TTN: variants seen among roughly 807,000 people sequenced by gnomAD.
The protein encoded by TTN is connectin.
Under a neutral mutation model 3,223.0 loss-of-function variants are expected in TTN, and 1,525 were observed. The observed-to-expected ratio is 0.47, with a 90% CI of 0.45 to 0.49. The LOEUF (loss-of-function observed/expected upper bound fraction) is 0.49, where lower values mean the gene tolerates loss of function less well. TTN is among the 20% of genes least tolerant of loss of function. The pLI is 0.00. For missense variants in TTN, 40,786 were observed against 43,424.0 expected (o/e 0.94, Z 5.40); for synonymous variants, 14,094 against 15,161.0 (o/e 0.93, Z 5.17).
At chr2:178,746,831 G>A in intron 47 of TTN, 1 of 1,613,300 alleles carries the variant, frequency 6.2e-7, no homozygotes, top group South Asian at 1.1e-5. Flanking sequence ...CTTCCTTTTG[G>A]TCAGAGGTTC....
At chr2:178,669,313 C>A in intron 159 of TTN, 60 bp downstream of exon 159, 1 of 1,351,324 alleles carries the variant, frequency 7.4e-7, no homozygotes, top group Non-Finnish European at 1.0e-6. Context: ...AAAAGACAAA[C>A]ATAGTGAATT....
At position 178,599,696 on chromosome 2, in the gene TTN, G is replaced by A. The variant is rs1286973920; in HGVS notation, c.56205C>T (p.Asp18735=). 6 of 1,613,058 alleles carry A rather than the reference G, an allele frequency of 3.7e-6. No individual in the cohort carries two copies. Among genetic ancestry groups the A allele is most frequent in the Admixed American group, 1.7e-5 (1 of 59,954 alleles). ...KPDNKEPVLY[D]THVNKLVVDD... is the part of the protein sequence containing the mutation. ...CTACCACCAGTTTGTTGACATGGGT[G>A]TCATAGAGAACAGGTTCTTTGTTAT... Residue 18735 remains aspartate (D), a synonymous_variant, in exon 289 of 363, where the codon GAC becomes GAT. Transcript: ENST00000589042.
rs745946685 is a variant in TTN at position 178,784,170 on chromosome 2, C to T, written c.2675G>A (p.Ser892Asn). ...PFADTPDTYKSEAGVEVKKEV... is the reference protein window; with the variant it reads ...PFADTPDTYKNEAGVEVKKEV... ...CTTTTTCACCTCAACGCCAGCTTCA[C>T]TCTTGTAAGTATCTGGTGTGTCAGC... Residue 892 changes from serine (S) to asparagine (N), a missense_variant, in exon 16 of 363, where the codon AGT becomes AAT. Physicochemically the swap from Ser to Asn is conservative, Grantham distance 46 (BLOSUM62 1). Transcript: ENST00000589042. The T allele has an allele frequency of 1.9e-6, 3 of 1,614,204 alleles. No homozygotes were observed. The highest frequency in any genetic ancestry group is 2.5e-6 in the Non-Finnish European group (3 of 1,180,022).
chr2:178,635,547 T>C lies in TTN; in HGVS notation c.41777A>G (p.Asp13926Gly). 1 of 1,595,654 alleles carries C rather than the reference T, an allele frequency of 6.3e-7. No individual in the cohort carries two copies. The change falls in exon 227 of 363, where the codon GAT becomes GGT. Residue 13926 changes from aspartate to glycine, a missense_variant. By Grantham distance (94) the Asp-to-Gly change is moderately conservative. Transcript: ENST00000589042. ...EPNDKTEILR[D>G]GNHLYLKIKN... ...AATTTTGAGGTACAGATGATTTCCA[T>C]CTCTCAGTATTTCAGTCTTATCATT...
intron 1 of TTN, among the ~76,000 whole-genome samples, chr2:178,805,039 A>G (rs923588714): frequency 6.6e-6 from 1 of 152,198 alleles, no homozygotes; most frequent in Non-Finnish European, 1.5e-5. Flanking sequence ...AAGACATGTG[A>G]TAAATGTAAA....
rs1405100475 is a variant in TTN, at chr2:178,562,320, C to T, written c.83812G>A (p.Ala27938Thr). ...AGEEYVFRVA[A>T]VNEKGRSDPR... ...TCACTTCTTCCCTTTTCGTTAACTG[C>T]AGCTACCCTGAAGACATACTCTTCT... is the stretch of plus-strand genomic sequence containing the variant. Residue 27938 changes from alanine to threonine, a missense_variant, in exon 326 of 363, where the codon GCA (alanine) becomes ACA (threonine). Transcript: ENST00000589042. 3 of 1,612,828 alleles carry T rather than the reference C, an allele frequency of 1.9e-6. No homozygotes were observed. The highest frequency in any genetic ancestry group is 3.3e-5 in the Admixed American group (2 of 59,932).
Position 178,621,831 on chromosome 2 carries a change from T to TAC in TTN, c.45082+7_45082+8dup. 1 of 1,611,724 alleles carries TAC rather than the reference T, an allele frequency of 6.2e-7. No individual in the cohort carries two copies. The highest frequency in any genetic ancestry group is 8.5e-7 in the Non-Finnish European group (1 of 1,178,854). On this transcript the variant is annotated intron_variant, in intron 244 of 362. Coordinates refer to ENST00000589042, the MANE Select transcript of TTN (RefSeq NM_001267550.2). ...ACATATACTTCACAAAGAATGACTT[T>TAC]ACTCTTACCCAGAACTGTCAGCATG...
At chr2:178,724,610 A>T (rs1391853586) in intron 71 of TTN, 72 bp from the exon 72 acceptor site, 3 of 1,431,986 alleles carry the variant, frequency 2.1e-6, no homozygotes, top group Non-Finnish European at 2.8e-6. Context: ...ACATTCACTA[A>T]GATTGTTTCT....
rs368871935 is a variant in TTN at position 178,715,449 on chromosome 2, G to A, written c.25921+44C>T. The A allele has an allele frequency of 2.6e-5, 40 of 1,566,886 alleles. No homozygotes were observed. In the African/African-American group the frequency reaches 4.4e-4, roughly 17 times the overall value. On this transcript the variant is annotated intron_variant, in intron 89 of 362. Coordinates refer to ENST00000589042, the MANE Select transcript of TTN (RefSeq NM_001267550.2). ...ACAGGAAGTTAAGAGGACAATTAAA[G>A]AGGAGGCTAATGTGAAAAACACACA...
Position 178,530,560 on chromosome 2 carries a change from G to C in TTN, c.106055C>G (p.Ser35352Cys), listed in dbSNP as rs746512551. Reference sequence around the variant, plus strand: ...CTCACAAACATATTCTCCTTGATCAGATTCAGTGAGGTTATTGATTTTGAG... The same window carrying C: ...CTCACAAACATATTCTCCTTGATCACATTCAGTGAGGTTATTGATTTTGAG... ...YELKINNLTE[S>C]DQGEYVCEIS... The change falls in exon 358 of 363, where the codon TCT becomes TGT. Residue 35352 changes from serine to cysteine, a missense_variant. Transcript: ENST00000589042. 3 of 1,613,872 alleles carry C rather than the reference G, an allele frequency of 1.9e-6. No individual in the cohort carries two copies. In the African/African-American group the frequency reaches 4.0e-5, roughly 22 times the overall value.
At position 178,718,143 on chromosome 2, in the gene TTN, T is replaced by C; in HGVS notation, c.24863A>G (p.Asp8288Gly). The change falls in exon 86 of 363, where the codon GAT (aspartate) becomes GGT (glycine). Residue 8288 changes from aspartate to glycine, a missense_variant. By Grantham distance (94) the Asp-to-Gly change is moderately conservative. Transcript: ENST00000589042. ...GEPATLQCKV[D>G]GTPEIRISWY... ...AGAAATTCTAATTTCTGGAGTTCCA[T>C]CCACTTTACACTGTAAAGTTGCAGG... 6.2e-7 allele frequency: 1 copy of C among 1,608,744 alleles called. No individual in the cohort carries two copies. The highest frequency in any genetic ancestry group is 1.3e-5 in the African/African-American group (1 of 75,044).
At position 178,732,018 on chromosome 2, in the gene TTN, G is replaced by A. The variant is rs1485614003; in HGVS notation, c.16904-47C>T. 3.8e-6 allele frequency: 6 copies of A among 1,589,132 alleles called. No individual in the cohort carries two copies. In the African/African-American group the frequency reaches 8.1e-5, roughly 21 times the overall value. ...TTGCATTAAGGGAGGAGGGGTCTGT[G>A]CCATGGGCCATAACTTTGGCAACAC... On this transcript the variant is annotated intron_variant, in intron 57 of 362. Transcript: ENST00000589042.
intron 150 of TTN, 56 bp downstream of exon 150, chr2:178,674,983 G>T: frequency 2.8e-6 from 3 of 1,066,016 alleles, no homozygotes; most frequent in South Asian, 3.7e-5. Context: ...TCAAATATTA[G>T]ACAATAATAA....
chr2:178,787,728 A>T (rs1351475696), intron 13 of TTN, among the ~76,000 whole-genome samples: 4 of 152,104 alleles, frequency 2.6e-5, no homozygotes, highest in African/African-American at 7.2e-5. Context: ...AATCTTAATC[A>T]TGGTAAAATA....
intron 69 of TTN, 57 bp from the exon 70 acceptor site, chr2:178,726,103 T>C: frequency 6.7e-7 from 1 of 1,486,088 alleles, no homozygotes. Flanking sequence ...AAAATGAAAA[T>C]TTTTTATTTG....
At position 178,566,279 on chromosome 2, in the gene TTN, C is replaced by T; in HGVS notation, c.79853G>A (p.Gly26618Asp). 1 of 1,613,634 alleles carries T rather than the reference C, an allele frequency of 6.2e-7. No individual in the cohort carries two copies. The highest frequency in any genetic ancestry group is 1.1e-5 in the South Asian group (1 of 91,080). Residue 26618 changes from glycine (G) to aspartate (D), a missense_variant, in exon 326 of 363, where the codon GGT (glycine) becomes GAT (aspartate). By Grantham distance (94) the Gly-to-Asp change is moderately conservative (BLOSUM62 -1). Coordinates refer to ENST00000589042, the MANE Select transcript of TTN (RefSeq NM_001267550.2). ...CCAAGTGATCTCAGGCGTTGGACGA[C>T]CTTTGAATGGAATGTGAATTCTGGC... The part of the protein sequence containing the change: ...GSARIHIPFK[G>D]RPTPEITWSR...
chr2:178,557,223 A>G (rs769684042), intron 329 of TTN, 30 bp downstream of exon 329: 3 of 1,613,060 alleles, frequency 1.9e-6, no homozygotes, highest in Non-Finnish European at 2.5e-6. Flanking sequence ...TTTTGTTATC[A>G]GAACTGCCCT....
intron 47 of TTN, chr2:178,746,698 C>CA: frequency 1.9e-6 from 3 of 1,613,404 alleles, no homozygotes; most frequent in Non-Finnish European, 2.5e-6. Context: ...ACACATTACC[C>CA]ACTCTTTCCA....
chr2:178,574,835 A>G lies in TTN; in HGVS notation c.71297T>C (p.Met23766Thr), dbSNP rs1709499328. ...CCAGGTAGTACTGTCAGTCTGCCGC[A>G]TTTCCACTACATAGTTGCTTATTGG... ...GVPISNYVVE[M>T]RQTDSTTWVE... The change falls in exon 326 of 363, where the codon ATG (methionine) becomes ACG (threonine). Residue 23766 changes from methionine to threonine, a missense_variant. Coordinates refer to ENST00000589042, the MANE Select transcript of TTN (RefSeq NM_001267550.2). 1 of 1,612,884 alleles carries G rather than the reference A, an allele frequency of 6.2e-7. No homozygotes were observed. The highest frequency in any genetic ancestry group is 1.3e-5 in the African/African-American group (1 of 74,892).
Sources: allele counts gnomAD v4.1 joint callset (sites outside exome capture counted in the v4.1 genomes callset), GRCh38; gene constraint gnomAD v4.1.1; transcripts MANE v1.5; gene names NCBI Gene and HGNC (gene_info 2026-07-23, HGNC 2026-07-21).